CDH9: variants seen among roughly 807,000 people sequenced by gnomAD.
CDH9 encodes the protein cadherin 9, also known as cadherin-9.
A neutral mutation model predicts 70.9 loss-of-function variants in CDH9; 28 were observed. The observed-to-expected ratio is 0.40, with a 90% CI of 0.29 to 0.54. The LOEUF (loss-of-function observed/expected upper bound fraction) is 0.54, where lower values mean the gene tolerates loss of function less well. CDH9 is among the 20% of genes least tolerant of loss of function. CDH9 has a pLI of 0.59. For missense variants in CDH9, 874 were observed against 984.4 expected, an observed-to-expected ratio of 0.89 and a Z score of 1.50; for synonymous variants, 409 against 343.1, an observed-to-expected ratio of 1.19 and a Z score of -2.12.
chr5:26,955,795 A>C (rs1741936851), intron 2 of CDH9, among the ~76,000 whole-genome samples: 3 of 152,160 alleles, frequency 2.0e-5, no homozygotes. Context: ...TACTACTCAT[A>C]TACTGTGCAC....
intron 1 of CDH9, among the ~76,000 whole-genome samples, chr5:27,002,610 G>A (rs1742790461): frequency 6.6e-6 from 1 of 152,138 alleles, no homozygotes; most frequent in Non-Finnish European, 1.5e-5. Context: ...ATGAGTTCAT[G>A]TCCTTTATAG....
intron 1 of CDH9, among the ~76,000 whole-genome samples, chr5:27,023,302 G>A (rs1208769681): frequency 4.6e-5 from 7 of 151,924 alleles, no homozygotes; most frequent in Non-Finnish European, 2.9e-5. Flanking sequence ...TTCTTCACTC[G>A]GGAGGCTCGG....
At chr5:26,951,489 C>T (rs1245904315) in intron 2 of CDH9, among the ~76,000 whole-genome samples, 1 of 151,904 alleles carries the variant, frequency 6.6e-6, no homozygotes, top group Admixed American at 6.6e-5. Context: ...ATTAATTTGG[C>T]ATACTCCCTG....
At chr5:26,940,214 G>A (rs1741636468) in intron 2 of CDH9, among the ~76,000 whole-genome samples, 1 of 151,308 alleles carries the variant, frequency 6.6e-6, no homozygotes, top group Non-Finnish European at 1.5e-5. Flanking sequence ...AGTAAAAAAT[G>A]AGAGTATGTA....
At chr5:26,899,484 G>C (rs1243125454) in intron 7 of CDH9, among the ~76,000 whole-genome samples, 4 of 152,078 alleles carry the variant, frequency 2.6e-5, no homozygotes, top group Non-Finnish European at 5.9e-5. Flanking sequence ...AAAATAATGA[G>C]GTCATGTCCT....
At chr5:26,905,221 A>G (rs1189142772) in intron 5 of CDH9, among the ~76,000 whole-genome samples, 2 of 152,132 alleles carry the variant, frequency 1.3e-5, no homozygotes, top group Non-Finnish European at 2.9e-5. Flanking sequence ...AAATTTCAGC[A>G]GAGAATGGAA....
At chr5:27,036,238 C>T (rs140918566) in intron 1 of CDH9, among the ~76,000 whole-genome samples, 6 of 151,876 alleles carry the variant, frequency 4.0e-5, no homozygotes, top group Middle Eastern at 3.4e-3. Flanking sequence ...GGTGAATGTA[C>T]CATGGACGGG....
At chr5:26,936,538 G>T (rs560980479) in intron 2 of CDH9, among the ~76,000 whole-genome samples, 9 of 152,046 alleles carry the variant, frequency 5.9e-5, no homozygotes, top group African/African-American at 2.2e-4. Context: ...TAAAGCAAAG[G>T]TAACTACATA....
intron 1 of CDH9, among the ~76,000 whole-genome samples, chr5:27,007,339 C>A (rs894727636): frequency 2.0e-5 from 3 of 151,812 alleles, no homozygotes; most frequent in Non-Finnish European, 4.4e-5. Context: ...GGGAGGATGG[C>A]AATGGGTAGG....
chr5:26,901,432 A>G (rs1740851999), intron 7 of CDH9, among the ~76,000 whole-genome samples: 1 of 151,936 alleles, frequency 6.6e-6, no homozygotes, highest in Non-Finnish European at 1.5e-5. Context: ...AATCATCATT[A>G]AAATATATTT....
chr5:26,889,872 A>G lies in CDH9; in HGVS notation c.1476T>C (p.Tyr492=). Residue 492 remains tyrosine (Y), a synonymous_variant, in exon 9 of 12, where the codon TAT becomes TAC. Coordinates refer to ENST00000231021, the MANE Select transcript of CDH9 (RefSeq NM_016279.4). ...NDHAPEFAMY[Y]ETFVCENAKP... ...TTGCATTTTCACAAACAAATGTTTC[A>G]TAATACATGGCAAATTCCGGAGCAT... is the stretch of plus-strand genomic sequence containing the variant. The G allele has an allele frequency of 6.2e-7, 1 of 1,600,650 alleles. No individual in the cohort carries two copies. The highest frequency in any genetic ancestry group is 8.6e-7 in the Non-Finnish European group (1 of 1,168,824).
intron 2 of CDH9, among the ~76,000 whole-genome samples, chr5:26,975,493 G>A (rs189852775): frequency 1.2e-4 from 18 of 152,250 alleles, no homozygotes; most frequent in African/African-American, 4.1e-4. Context: ...TAAACAACAA[G>A]AGAGTTTATT....
At chr5:27,015,172 A>T (rs1374726026) in intron 1 of CDH9, among the ~76,000 whole-genome samples, 1 of 151,892 alleles carries the variant, frequency 6.6e-6, no homozygotes, top group African/African-American at 2.4e-5. Context: ...AGAAATTAAT[A>T]GAGGCCTGAC....
At chr5:26,911,976 T>A (rs2112000762) in intron 3 of CDH9, among the ~76,000 whole-genome samples, 1 of 152,016 alleles carries the variant, frequency 6.6e-6, no homozygotes, top group Non-Finnish European at 1.5e-5. Context: ...AAACAAATAC[T>A]TTAAGAAATA....
At chr5:26,947,798 G>C (rs369678407) in intron 2 of CDH9, among the ~76,000 whole-genome samples, 1 of 152,090 alleles carries the variant, frequency 6.6e-6, no homozygotes, top group Non-Finnish European at 1.5e-5. Flanking sequence ...GCTGAAGGTA[G>C]AGTCTTCCAA....
intron 2 of CDH9, among the ~76,000 whole-genome samples, chr5:26,941,286 C>T (rs77108071): frequency 1.2e-3 from 177 of 152,318 alleles, no homozygotes; most frequent in African/African-American, 4.1e-3. Context: ...TATAGGCATA[C>T]ATTTGCTATG....
intron 2 of CDH9, among the ~76,000 whole-genome samples, chr5:26,952,659 AG>A (rs1741872141): frequency 6.8e-6 from 1 of 146,308 alleles, no homozygotes; most frequent in African/African-American, 2.5e-5. Context: ...AAAAAAAGAA[AG>A]AAAAAAAGAG....
Position 27,026,556 on chromosome 5 carries a change from T to C in CDH9, c.-50+11907A>G, listed in dbSNP as rs1264884276. Among the ~76,000 whole-genome samples, 4 of 152,022 alleles carry C rather than the reference T, an allele frequency of 2.6e-5. No homozygotes were observed. The East Asian group carries it at 7.7e-4, about 29-fold the overall frequency. The stretch of plus-strand genomic sequence containing the variant: ...AATATTTTAATTATTCTTTTTGTTA[T>C]TTGTATCACTCCTCTAGAAAATACC... On this transcript the variant is annotated intron_variant, in intron 1 of 11. Coordinates refer to ENST00000231021, the MANE Select transcript of CDH9 (RefSeq NM_016279.4).
At chr5:26,958,918 CAT>C (rs1193259859) in intron 2 of CDH9, among the ~76,000 whole-genome samples, 2 of 152,018 alleles carry the variant, frequency 1.3e-5, no homozygotes, top group Non-Finnish European at 2.9e-5. Flanking sequence ...TAGGAGAAAA[CAT>C]AAAGGTAAAT....
Sources: allele counts gnomAD v4.1 joint callset (sites outside exome capture counted in the v4.1 genomes callset), GRCh38; gene constraint gnomAD v4.1.1; transcripts MANE v1.5; gene names NCBI Gene and HGNC (gene_info 2026-07-23, HGNC 2026-07-21).